RARB: variants seen among roughly 807,000 people sequenced by gnomAD.
The protein encoded by RARB is retinoic acid receptor beta.
RARB carries 17 observed loss-of-function variants against 51.9 expected under a neutral mutation model. That is an observed-to-expected ratio of 0.33 (90% CI 0.22 to 0.49). RARB has a LOEUF of 0.49. Among genes scored for constraint, RARB ranks in the 20% least tolerant of loss-of-function variants. The pLI, the probability that RARB is intolerant of heterozygous loss-of-function variation, is 0.99. For missense variants in RARB, 369 were observed against 550.8 expected, an observed-to-expected ratio of 0.67 and a Z score of 3.30; for synonymous variants, 215 against 195.4, an observed-to-expected ratio of 1.10 and a Z score of -0.84.
intron 2 of RARB, among the ~76,000 whole-genome samples, chr3:24,900,509 CAAGT>C (rs1559388216): frequency 1.3e-5 from 2 of 152,170 alleles, no homozygotes; most frequent in African/African-American, 4.8e-5. Flanking sequence ...AATTGTCTGT[CAAGT>C]AAGTAAGAAC....
intron 5 of RARB, among the ~76,000 whole-genome samples, chr3:25,199,663 T>C (rs2125369552): frequency 6.6e-6 from 1 of 152,280 alleles, no homozygotes; most frequent in South Asian, 2.1e-4. Flanking sequence ...TTCTCATTGT[T>C]CAATTCCCAC....
At chr3:24,933,602 A>G (rs1695487484) in intron 2 of RARB, among the ~76,000 whole-genome samples, 1 of 152,144 alleles carries the variant, frequency 6.6e-6, no homozygotes, top group Non-Finnish European at 1.5e-5. Context: ...GCTAAGACAT[A>G]TACTCACAGC....
At chr3:25,001,086 G>C (rs998402219) in intron 2 of RARB, among the ~76,000 whole-genome samples, 1 of 152,052 alleles carries the variant, frequency 6.6e-6, no homozygotes, top group African/African-American at 2.4e-5. Flanking sequence ...CTGTAATGCT[G>C]TGTCAAATGT....
chr3:25,511,496 T>C (rs1697895547), intron 3 of RARB, among the ~76,000 whole-genome samples: 1 of 152,076 alleles, frequency 6.6e-6, no homozygotes, highest in Non-Finnish European at 1.5e-5. Context: ...CCCTTTATAG[T>C]AGTAATACAA....
At chr3:25,595,679 C>T (rs374565002) in intron 7 of RARB, among the ~76,000 whole-genome samples, 3 of 152,192 alleles carry the variant, frequency 2.0e-5, no homozygotes, top group South Asian at 2.1e-4. Context: ...AAGAGGTTCT[C>T]GAGCACTTGA....
chr3:25,458,444 C>T (rs768818906), intron 1 of RARB: 1 of 152,150 alleles, frequency 6.6e-6, no homozygotes, highest in Non-Finnish European at 1.5e-5. Context: ...GACAGTGATA[C>T]ATTGTTTTCT....
intron 2 of RARB, among the ~76,000 whole-genome samples, chr3:24,869,936 C>T (rs951974497): frequency 1.3e-5 from 2 of 152,020 alleles, no homozygotes; most frequent in African/African-American, 4.8e-5. Context: ...TTCATTTTTC[C>T]GTACTTAGTA....
At chr3:25,011,731 A>G (rs1260635180) in intron 2 of RARB, among the ~76,000 whole-genome samples, 1 of 152,130 alleles carries the variant, frequency 6.6e-6, no homozygotes, top group African/African-American at 2.4e-5. Context: ...GATGGAAACA[A>G]TGTCAAAGAA....
chr3:25,403,022 G>A (rs1707306235), intron 5 of RARB, among the ~76,000 whole-genome samples: 1 of 152,062 alleles, frequency 6.6e-6, no homozygotes, highest in Non-Finnish European at 1.5e-5. Context: ...AATTAGCTGG[G>A]CATGGTGGTG....
intron 5 of RARB, among the ~76,000 whole-genome samples, chr3:25,174,974 T>C (rs1455155950): frequency 6.6e-6 from 1 of 152,230 alleles, no homozygotes; most frequent in East Asian, 1.9e-4. Context: ...TTGTGAGATC[T>C]TCTCTGAATC....
chr3:24,924,380 T>C (rs955700127), intron 2 of RARB, among the ~76,000 whole-genome samples: 73 of 152,310 alleles, frequency 4.8e-4, no homozygotes, highest in African/African-American at 1.6e-3. Flanking sequence ...AAATGTTTCA[T>C]ACCTGTGCTG....
At chr3:25,070,106 T>C (rs1197008398) in intron 3 of RARB, among the ~76,000 whole-genome samples, 2 of 152,188 alleles carry the variant, frequency 1.3e-5, no homozygotes, top group South Asian at 2.1e-4. Flanking sequence ...CAGGAACCTA[T>C]TGGGTTCCTT....
intron 5 of RARB, among the ~76,000 whole-genome samples, chr3:25,380,648 T>G (rs1706597733): frequency 1.3e-5 from 2 of 152,180 alleles, no homozygotes; most frequent in Admixed American, 1.3e-4. Flanking sequence ...CAAAATCAAA[T>G]GGCGTTTCCT....
At chr3:25,090,480 C>A (rs1011815611) in intron 3 of RARB, among the ~76,000 whole-genome samples, 1 of 152,062 alleles carries the variant, frequency 6.6e-6, no homozygotes, top group Non-Finnish European at 1.5e-5. Context: ...CTTTTGTCAC[C>A]ATCTCCTGTG....
At chr3:25,040,904 A>C (rs1335323434) in intron 2 of RARB, among the ~76,000 whole-genome samples, 1 of 152,206 alleles carries the variant, frequency 6.6e-6, no homozygotes, top group Non-Finnish European at 1.5e-5. Context: ...TATAAGCCTG[A>C]ATGATTCAAA....
intron 3 of RARB, among the ~76,000 whole-genome samples, chr3:25,558,026 T>C (rs1335998433): frequency 6.6e-6 from 1 of 152,170 alleles, no homozygotes; most frequent in Admixed American, 6.6e-5. Flanking sequence ...AAGATCTCAT[T>C]CCATATTGAC....
chr3:25,334,678 T>TA (rs371352217), intron 5 of RARB, among the ~76,000 whole-genome samples: 7 of 151,904 alleles, frequency 4.6e-5, no homozygotes, highest in Non-Finnish European at 1.0e-4. Context: ...TAAAGTGTAA[T>TA]AAAAAAAGTA....
Position 25,428,309 on chromosome 3 carries a change from ATTC to A in RARB, c.-420_-418del. 1 of 1,245,842 alleles carries A rather than the reference ATTC, an allele frequency of 8.0e-7. No homozygotes were observed. The allele number at this position is 1,245,842 out of a possible 1,614,324, so 77.2% of individuals were successfully genotyped here. A position where few individuals can be genotyped will look rare whatever the true frequency, so the allele number is the denominator to read the frequency against. On this transcript the variant is annotated 5_prime_UTR_variant, in exon 1 of 8. Transcript: ENST00000330688. ...GAGCTGTTCAGAGGCAGGAGGGTCT[ATTC>A]TTTGCCAAAGGGGGGACCAGAATTC...
At chr3:25,068,711 C>T (rs1028957955) in intron 3 of RARB, among the ~76,000 whole-genome samples, 1 of 152,112 alleles carries the variant, frequency 6.6e-6, no homozygotes, top group African/African-American at 2.4e-5. Flanking sequence ...AAAGCACTGC[C>T]TGGGCTGCTG....
Sources: allele counts gnomAD v4.1 joint callset (sites outside exome capture counted in the v4.1 genomes callset), GRCh38; gene constraint gnomAD v4.1.1; transcripts MANE v1.5; gene names NCBI Gene and HGNC (gene_info 2026-07-23, HGNC 2026-07-21).